The following CDH7 variants were observed in gnomAD, a reference collection of about 807,000 sequenced individuals.
CDH7 encodes the protein cadherin-7.
In CDH7, 25 loss-of-function variants were observed where a neutral mutation model predicts 71.8. The observed-to-expected ratio is 0.35, with a 90% CI of 0.25 to 0.49. The LOEUF (loss-of-function observed/expected upper bound fraction) is 0.49, where lower values mean the gene tolerates loss of function less well. CDH7 is among the 20% of genes least tolerant of loss of function. The pLI is 0.99. For synonymous variants in CDH7, 381 were observed against 363.8 expected, an observed-to-expected ratio of 1.05 and a Z score of -0.54; for missense variants, 862 against 974.6, an observed-to-expected ratio of 0.88 and a Z score of 1.54.
chr18:65,767,093 C>CTT lies in CDH7; in HGVS notation c.210+4054_210+4055dup, dbSNP rs1258283488. On this transcript the variant is annotated intron_variant, in intron 2 of 11. Coordinates refer to ENST00000397968, the MANE Select transcript of CDH7 (RefSeq NM_004361.5). ...TAGCTGTTAACATCACTCTTTCTTT[C>CTT]TTTTTTTTTTTTTTGGCTACTCCTC... is the stretch of plus-strand genomic sequence containing the variant. Among the ~76,000 whole-genome samples, 281 of 136,500 alleles carry CTT rather than the reference C, an allele frequency of 2.1e-3. 4 individuals are homozygous for CTT. The highest frequency in any genetic ancestry group is 7.2e-3 in the African/African-American group (274 of 38,178). 89.5% of individuals were successfully genotyped at this position (136,500 alleles called of 152,430 possible).
intron 6 of CDH7, among the ~76,000 whole-genome samples, chr18:65,829,282 G>A (rs1311644751): frequency 6.6e-6 from 1 of 151,834 alleles, no homozygotes; most frequent in Non-Finnish European, 1.5e-5. Context: ...ACTACTCCTG[G>A]CTAATTTTTG....
At chr18:65,811,468 A>AG (rs1676842178) in intron 3 of CDH7, among the ~76,000 whole-genome samples, 2 of 152,208 alleles carry the variant, frequency 1.3e-5, no homozygotes, top group Admixed American at 1.3e-4. Flanking sequence ...TACTATAATT[A>AG]GCACATATGT....
intron 2 of CDH7, among the ~76,000 whole-genome samples, chr18:65,805,185 G>A (rs1911271499): frequency 2.0e-5 from 3 of 152,104 alleles, no homozygotes; most frequent in Admixed American, 2.0e-4. Context: ...TCAATATAAA[G>A]CAGAATTAAA....
intron 2 of CDH7, among the ~76,000 whole-genome samples, chr18:65,805,422 T>C (rs1568194757): frequency 1.3e-5 from 2 of 152,166 alleles, no homozygotes; most frequent in Admixed American, 6.5e-5. Flanking sequence ...GGAGATAGTA[T>C]GGAGTCAGAT....
intron 2 of CDH7, among the ~76,000 whole-genome samples, chr18:65,782,032 T>TTCTC (rs1294334826): frequency 2.4e-5 from 1 of 41,258 alleles, no homozygotes; most frequent in African/African-American, 2.1e-4. Context: ...CTTTCTCCCT[T>TTCTC]CCTTCCTTCC....
intron 2 of CDH7, among the ~76,000 whole-genome samples, chr18:65,790,944 C>A (rs1222099891): frequency 1.3e-5 from 2 of 152,154 alleles, no homozygotes; most frequent in African/African-American, 2.4e-5. Flanking sequence ...GTATGAAATT[C>A]CTATGAACAG....
intron 6 of CDH7, among the ~76,000 whole-genome samples, chr18:65,842,410 T>C (rs966892362): frequency 1.3e-5 from 2 of 151,880 alleles, no homozygotes; most frequent in Non-Finnish European, 2.9e-5. Flanking sequence ...ATATTTTCCT[T>C]TTGCTTACTC....
intron 2 of CDH7, among the ~76,000 whole-genome samples, chr18:65,782,149 T>C (rs866766253): frequency 7.9e-5 from 9 of 113,964 alleles, no homozygotes; most frequent in Admixed American, 1.8e-4. Context: ...TTTCTTTCTT[T>C]CTTTCTTTCT....
At chr18:65,786,823 A>G (rs1445251709) in intron 2 of CDH7, among the ~76,000 whole-genome samples, 1 of 152,066 alleles carries the variant, frequency 6.6e-6, no homozygotes, top group Non-Finnish European at 1.5e-5. Flanking sequence ...AGCTGAGACT[A>G]CAGGTGTATG....
chr18:65,889,069 C>G lies in CDH7; in HGVS notation c.*8175C>G, dbSNP rs777660653. The G allele has an allele frequency of 6.6e-6, 1 of 151,908 alleles. No homozygotes were observed. Among genetic ancestry groups the G allele is most frequent in the African/African-American group, 2.4e-5 (1 of 41,362 alleles). The allele number at this position is 151,908 out of a possible 1,614,324, so 9.4% of individuals were successfully genotyped here. On this transcript the variant is annotated 3_prime_UTR_variant, in exon 12 of 12. Coordinates refer to ENST00000397968, the MANE Select transcript of CDH7 (RefSeq NM_004361.5). ...AATATTTATATTGTCATTACGATGG[C>G]ACTTCACCAGTATGTCCTAATCTAT...
intron 2 of CDH7, among the ~76,000 whole-genome samples, chr18:65,790,383 A>G (rs900579451): frequency 1.3e-5 from 2 of 152,084 alleles, no homozygotes; most frequent in African/African-American, 4.8e-5. Flanking sequence ...GATAAAGAAG[A>G]GTAGACTGTA....
chr18:65,814,410 A>G, intron 3 of CDH7, 75 bp from the exon 4 acceptor site: 1 of 1,495,864 alleles, frequency 6.7e-7, no homozygotes, highest in Middle Eastern at 1.7e-4. Context: ...ATGTGGAATC[A>G]GTAACATTTT....
chr18:65,831,395 T>C (rs1473880445), intron 6 of CDH7, among the ~76,000 whole-genome samples: 2 of 152,140 alleles, frequency 1.3e-5, no homozygotes, highest in Non-Finnish European at 2.9e-5. Flanking sequence ...TACCGCCAAA[T>C]CCAAGTGTCT....
At chr18:65,765,338 A>C (rs1598987623) in intron 2 of CDH7, among the ~76,000 whole-genome samples, 1 of 152,148 alleles carries the variant, frequency 6.6e-6, no homozygotes, top group East Asian at 1.9e-4. Flanking sequence ...TTTATATTTG[A>C]GATGATGAAA....
At chr18:65,801,088 C>T (rs887960327) in intron 2 of CDH7, among the ~76,000 whole-genome samples, 5 of 152,192 alleles carry the variant, frequency 3.3e-5, no homozygotes, top group Non-Finnish European at 5.9e-5. Flanking sequence ...TAGCATACCC[C>T]ACTGTAAGCT....
At chr18:65,776,069 A>G (rs1236251699) in intron 2 of CDH7, among the ~76,000 whole-genome samples, 1 of 152,190 alleles carries the variant, frequency 6.6e-6, no homozygotes, top group Non-Finnish European at 1.5e-5. Context: ...GGCAACACAT[A>G]CATCCCTTTT....
At chr18:65,772,877 C>T (rs996802187) in intron 2 of CDH7, among the ~76,000 whole-genome samples, 26 of 152,194 alleles carry the variant, frequency 1.7e-4, no homozygotes, top group Middle Eastern at 3.4e-3. Flanking sequence ...ATTCTGTTTA[C>T]GATCCAATTA....
At position 65,859,725 on chromosome 18, in the gene CDH7, T is replaced by G. The variant is rs935528436; in HGVS notation, c.1512T>G (p.Ser504Arg). ...AQPGQVIQKI[S>R]AVDKDEPSNG... is the part of the protein sequence containing the mutation. ...TTTCCTAGGTTATCCAGAAAATCAG[T>G]GCTGTGGATAAAGATGAGCCATCCA... Residue 504 changes from serine (S) to arginine (R), a missense_variant, in exon 10 of 12, where the codon AGT (serine) becomes AGG (arginine). Physicochemically the swap from Ser to Arg is moderately radical, Grantham distance 110 (BLOSUM62 -1). Transcript: ENST00000397968. 1.9e-6 allele frequency: 3 copies of G among 1,605,202 alleles called. No homozygotes were observed. Among genetic ancestry groups the G allele is most frequent in the Non-Finnish European group, 2.6e-6 (3 of 1,172,186 alleles).
chr18:65,871,106 G>A (rs1269504287), intron 11 of CDH7, among the ~76,000 whole-genome samples: 1 of 152,146 alleles, frequency 6.6e-6, no homozygotes, highest in Admixed American at 6.5e-5. Flanking sequence ...AAAATCACAA[G>A]TGAGAGCATG....
Sources: gnomAD v4.1 joint callset for allele counts (sites outside exome capture counted in the v4.1 genomes callset) on GRCh38, gnomAD v4.1.1 for gene constraint, MANE v1.5 for transcripts, NCBI Gene and HGNC (gene_info 2026-07-23, HGNC 2026-07-21) for gene names.